The following BIRC6 variants were observed in gnomAD, a reference collection of about 807,000 sequenced individuals.
BIRC6 encodes dual E2 ubiquitin-conjugating enzyme/E3 ubiquitin-protein ligase BIRC6.
A neutral mutation model predicts 503.3 loss-of-function variants in BIRC6; 98 were observed. The ratio of observed to expected loss-of-function variants is 0.19; its 90% CI spans 0.17 to 0.23. BIRC6 has a LOEUF of 0.23. BIRC6 is among the 10% of genes least tolerant of loss of function. The pLI is 1.00. For missense variants in BIRC6, 5,360 were observed against 5,806.0 expected, an observed-to-expected ratio of 0.92 and a Z score of 2.50; for synonymous variants, 2,240 against 2,078.7, an observed-to-expected ratio of 1.08 and a Z score of -2.11.
At chr2:32,419,713 C>G (rs2042743058) in intron 10 of BIRC6, among the ~76,000 whole-genome samples, 1 of 151,994 alleles carries the variant, frequency 6.6e-6, no homozygotes, top group Admixed American at 6.6e-5. Flanking sequence ...AAATATGACC[C>G]CAACAACATA....
intron 35 of BIRC6, 148 bp from the exon 36 acceptor site, chr2:32,478,487 C>T: frequency 1.9e-6 from 1 of 532,376 alleles, no homozygotes; most frequent in East Asian, 3.4e-5. Flanking sequence ...TTTTTGCATT[C>T]CATCTCAAGC....
At chr2:32,532,727 A>T (rs1161560322) in intron 61 of BIRC6, among the ~76,000 whole-genome samples, 1 of 152,230 alleles carries the variant, frequency 6.6e-6, no homozygotes, top group African/African-American at 2.4e-5. Context: ...AAGGTGATTG[A>T]CACAGAATGA....
At chr2:32,581,344 A>T (rs961885940) in intron 66 of BIRC6, among the ~76,000 whole-genome samples, 3 of 152,254 alleles carry the variant, frequency 2.0e-5, no homozygotes, top group African/African-American at 7.2e-5. Context: ...TTTATTAAAT[A>T]AGTCAGTTTT....
intron 65 of BIRC6, among the ~76,000 whole-genome samples, chr2:32,556,677 G>A (rs1167574878): frequency 1.3e-5 from 2 of 152,068 alleles, no homozygotes; most frequent in African/African-American, 4.8e-5. Context: ...GGCCAGGCTC[G>A]GTGGCTCAAG....
At chr2:32,434,795 G>A (rs2044516672) in intron 13 of BIRC6, among the ~76,000 whole-genome samples, 1 of 152,148 alleles carries the variant, frequency 6.6e-6, no homozygotes. Context: ...AGGATTTGGA[G>A]GTTACAGTGA....
At position 32,571,505 on chromosome 2, in the gene BIRC6, G is replaced by A. The variant is rs537648934; in HGVS notation, c.13145-3651G>A. Among the ~76,000 whole-genome samples the A allele has an allele frequency of 9.4e-5, 14 of 149,574 alleles. No individual in the cohort carries two copies. In the East Asian group the frequency reaches 1.4e-3, roughly 15 times the overall value. Reference sequence around the variant, plus strand: ...AATCTCAGGAGGTTGTATGTTTCCAGGAATTTACTTGTTTCCTCTAGGTTT... The same window carrying A: ...AATCTCAGGAGGTTGTATGTTTCCAAGAATTTACTTGTTTCCTCTAGGTTT... On this transcript the variant is annotated intron_variant, in intron 65 of 73. Coordinates refer to ENST00000421745, the MANE Select transcript of BIRC6 (RefSeq NM_016252.4).
In BIRC6 at chr2:32,531,437, A is replaced by G. The variant is rs1213959399; in HGVS notation, c.12177A>G (p.Glu4059=). 1.2e-6 allele frequency: 2 copies of G among 1,613,890 alleles called. No homozygotes were observed. The highest frequency in any genetic ancestry group is 1.1e-5 in the South Asian group (1 of 91,074). ...GDECMDGILD[E]SLLETCPIQS... ...AATGCATGGATGGGATACTGGATGA[A>G]TCTTTGCTTGAAACCTGTCCAATTC... Residue 4059 remains glutamate, a synonymous_variant, in exon 61 of 74, where the codon GAA becomes GAG. Transcript: ENST00000421745.
intron 20 of BIRC6, among the ~76,000 whole-genome samples, 187 bp from the exon 21 acceptor site, chr2:32,445,334 A>T (rs2045843741): frequency 1.3e-5 from 2 of 152,222 alleles, no homozygotes; most frequent in South Asian, 4.1e-4. Flanking sequence ...TGTTGTTTAT[A>T]TTTTAAGTGT....
At chr2:32,382,739 T>C (rs1193375800) in intron 3 of BIRC6, among the ~76,000 whole-genome samples, 1 of 152,230 alleles carries the variant, frequency 6.6e-6, no homozygotes, top group Non-Finnish European at 1.5e-5. Flanking sequence ...ATTTTTATTT[T>C]TGGAGATGGG....
chr2:32,477,642 T>C (rs2049914687), intron 35 of BIRC6, 59 bp downstream of exon 35: 1 of 1,350,880 alleles, frequency 7.4e-7, no homozygotes. Flanking sequence ...CTCATGCCTG[T>C]AATCCCAGCA....
chr2:32,442,018 T>TG, intron 17 of BIRC6, 47 bp from the exon 18 acceptor site: 2 of 1,357,602 alleles, frequency 1.5e-6, no homozygotes, highest in Non-Finnish European at 2.0e-6. Context: ...ATAGCTTTAG[T>TG]TGTTCTGTTT....
chr2:32,386,801 GT>G (rs1400379532), intron 3 of BIRC6, among the ~76,000 whole-genome samples: 2 of 152,086 alleles, frequency 1.3e-5, no homozygotes, highest in Non-Finnish European at 2.9e-5. Context: ...CATTGCTTTA[GT>G]TTAATATCTT....
chr2:32,392,242 A>G (rs2039320797), intron 5 of BIRC6, 92 bp downstream of exon 5: 1 of 896,196 alleles, frequency 1.1e-6, no homozygotes, highest in Non-Finnish European at 1.7e-6. Flanking sequence ...TCAGAAACTT[A>G]TTTTGTGCAC....
intron 65 of BIRC6, among the ~76,000 whole-genome samples, chr2:32,571,051 T>A (rs886737944): frequency 6.6e-6 from 1 of 152,148 alleles, no homozygotes; most frequent in Non-Finnish European, 1.5e-5. Context: ...TCTCAAGTGA[T>A]CCTCCTGCCT....
Position 32,502,805 on chromosome 2 carries a change from C to T in BIRC6, c.9218C>T (p.Ala3073Val). 6.2e-7 allele frequency: 1 copy of T among 1,611,138 alleles called. No individual in the cohort carries two copies. Among genetic ancestry groups the T allele is most frequent in the Non-Finnish European group, 8.5e-7 (1 of 1,178,832 alleles). The change falls in exon 48 of 74, where the codon GCT (alanine) becomes GTT (valine). Residue 3073 changes from alanine (A) to valine (V), a missense_variant. Coordinates refer to ENST00000421745, the MANE Select transcript of BIRC6 (RefSeq NM_016252.4). ...TATTTCATTTTTTAGGGCTCTCTTG[C>T]TACTTGCCAGTTATCTGAGCCATTA... is the stretch of plus-strand genomic sequence containing the variant. ...CGYMGRQGSL[A>V]TCQLSEPLLW...
At chr2:32,432,178 A>C (rs1167032874) in intron 12 of BIRC6, among the ~76,000 whole-genome samples, 1 of 152,030 alleles carries the variant, frequency 6.6e-6, no homozygotes, top group Non-Finnish European at 1.5e-5. Context: ...CACTTTGGGA[A>C]GCCAAGGCAG....
In BIRC6 at chr2:32,597,848, C is replaced by T; in HGVS notation, c.13710C>T (p.Asn4570=). The change falls in exon 69 of 74, where the codon AAC becomes AAT. Residue 4570 remains asparagine (N), a synonymous_variant. Transcript: ENST00000421745. ...MSQVKNANDA[N]SAARARRLAQ... is the part of the protein sequence containing the mutation. ...AGGTGAAAAATGCTAATGATGCGAA[C>T]AGTGCTGCCAGAGCTCGCCGCCTTG... 6.2e-7 allele frequency: 1 copy of T among 1,613,762 alleles called. No individual in the cohort carries two copies. The highest frequency in any genetic ancestry group is 8.5e-7 in the Non-Finnish European group (1 of 1,179,730).
Position 32,506,445 on chromosome 2 carries a change from C to T in BIRC6, c.9700+1240C>T, listed in dbSNP as rs138129559. 2.3e-4 allele frequency among the ~76,000 whole-genome samples: 35 copies of T among 152,234 alleles called. No individual in the cohort carries two copies. The East Asian group carries it at 5.4e-3, about 23-fold the overall frequency. On this transcript the variant is annotated intron_variant, in intron 50 of 73. Coordinates refer to ENST00000421745, the MANE Select transcript of BIRC6 (RefSeq NM_016252.4). The stretch of plus-strand genomic sequence containing the variant: ...GGTAGAAGGAAAATATGCTAGTACA[C>T]GGTGTTTTAGGAGGTCAAAAATAAC...
rs767682799 is a variant in BIRC6 at position 32,388,894 on chromosome 2, C to T, written c.790C>T (p.Pro264Ser). 13 of 1,610,072 alleles carry T rather than the reference C, an allele frequency of 8.1e-6. No individual in the cohort carries two copies. The highest frequency in any genetic ancestry group is 9.3e-6 in the Non-Finnish European group (11 of 1,178,630). Residue 264 changes from proline (P) to serine (S), a missense_variant, in exon 4 of 74, where the codon CCT becomes TCT. This residue lies in a region of BIRC6 where 134 missense variants were observed against 150.9 expected (regional missense o/e 0.89). Transcript: ENST00000421745. The stretch of plus-strand genomic sequence containing the variant: ...GATGGACAGATTGTCTTACCTCTTA[C>T]CTAGTGCACGTCCAGAACTCGGAGT... ...SVMDRLSYLL[P>S]SARPELGVGP... is the part of the protein sequence containing the mutation.
Sources: allele counts gnomAD v4.1 joint callset (sites outside exome capture counted in the v4.1 genomes callset), GRCh38; gene constraint gnomAD v4.1.1; regional missense constraint gnomAD v4.1.1; transcripts MANE v1.5; gene names NCBI Gene and HGNC (gene_info 2026-07-23, HGNC 2026-07-21).